Variants in AHCY observed in about 807,000 individuals in gnomAD.
The protein encoded by AHCY is S-adenosyl-L-homocysteine hydrolase.
Under a neutral mutation model 45.4 loss-of-function variants are expected in AHCY, and 24 were observed. The ratio of observed to expected loss-of-function variants is 0.53; its 90% CI spans 0.38 to 0.74. The LOEUF (loss-of-function observed/expected upper bound fraction) is 0.74, where lower values mean the gene tolerates loss of function less well. Ranked by LOEUF, AHCY falls within the 30% of genes least tolerant of loss-of-function variation. The pLI is 0.00. For synonymous variants in AHCY, 245 were observed against 235.1 expected (o/e 1.04, Z -0.39); for missense variants, 449 against 594.1 (o/e 0.76, Z 2.54).
chr20:34,308,539 GAC>G (rs906616899), intron 1 of AHCY, among the ~76,000 whole-genome samples: 3 of 152,048 alleles, frequency 2.0e-5, no homozygotes, highest in Non-Finnish European at 2.9e-5. Context: ...GACAGAGAGA[GAC>G]TCTGTCTAAA....
chr20:34,251,072 C>A, the AHCY span, among the ~76,000 whole-genome samples: 1 of 152,142 alleles, frequency 6.6e-6, no homozygotes. Context: ...TGGACCTGTA[C>A]AAACCCTCAT....
At chr20:34,284,758 G>A (rs2036115903) in intron 9 of AHCY, among the ~76,000 whole-genome samples, 1 of 152,186 alleles carries the variant, frequency 6.6e-6, no homozygotes, top group African/African-American at 2.4e-5. Context: ...GGCAGGTGGA[G>A]GTTGCAGTAA....
upstream of AHCY, among the ~76,000 whole-genome samples, chr20:34,305,438 A>G (rs1390143328): frequency 6.6e-6 from 1 of 152,142 alleles, no homozygotes; most frequent in African/African-American, 2.4e-5. Context: ...GCCGATGTCA[A>G]GCAGAGACTT....
At chr20:34,255,746 C>T in the AHCY span, among the ~76,000 whole-genome samples, 26 of 152,294 alleles carry the variant, frequency 1.7e-4, no homozygotes, top group Admixed American at 3.9e-4. Context: ...CCCTCTGTTA[C>T]GCCCGGACAG....
chr20:34,288,047 A>C (rs1229038421), intron 8 of AHCY, among the ~76,000 whole-genome samples: 1 of 152,218 alleles, frequency 6.6e-6, no homozygotes, highest in Non-Finnish European at 1.5e-5. Context: ...CTGCCACAGA[A>C]GCACGCCCTG....
At chr20:34,295,696 A>G in intron 1 of AHCY, 111 bp from the exon 2 acceptor site, 1 of 1,109,888 alleles carries the variant, frequency 9.0e-7, no homozygotes, top group Non-Finnish European at 1.3e-6. Flanking sequence ...ACTAGGGCTT[A>G]GCACTCTGTC....
chr20:34,306,104 AAAAAG>A (rs2036893880), upstream of AHCY, among the ~76,000 whole-genome samples: 1 of 151,902 alleles, frequency 6.6e-6, no homozygotes. Context: ...AAAAAGAAAA[AAAAAG>A]AAATGTGAAT....
chr20:34,253,092 C>T, the AHCY span, among the ~76,000 whole-genome samples: 75 of 152,018 alleles, frequency 4.9e-4, no homozygotes, highest in South Asian at 6.2e-4. Flanking sequence ...CAGTAACAAC[C>T]TGATCTCTCT....
chr20:34,286,053 C>T (rs910217002), intron 8 of AHCY: 5 of 268,746 alleles, frequency 1.9e-5, no homozygotes, highest in Admixed American at 5.0e-5. Context: ...TGCAGCGAGC[C>T]GAGATCGCAC....
the AHCY span, among the ~76,000 whole-genome samples, chr20:34,250,779 C>T: frequency 1.5e-4 from 23 of 152,132 alleles, no homozygotes; most frequent in African/African-American, 5.6e-4. Flanking sequence ...ACACCTCTGT[C>T]TCAGTAGGTA....
At chr20:34,233,639 C>A in the AHCY span, among the ~76,000 whole-genome samples, 6 of 152,116 alleles carry the variant, frequency 3.9e-5, no homozygotes, top group African/African-American at 9.7e-5. Flanking sequence ...AATGGTACCA[C>A]CAGTCTGAAG....
chr20:34,278,880 G>A (rs1197361649), downstream of AHCY, among the ~76,000 whole-genome samples: 1 of 151,932 alleles, frequency 6.6e-6, no homozygotes, highest in Non-Finnish European at 1.5e-5. Context: ...AAGCTGAGGT[G>A]GGCAGATCAC....
At chr20:34,240,856 A>T in the AHCY span, among the ~76,000 whole-genome samples, 89 of 152,302 alleles carry the variant, frequency 5.8e-4, 1 homozygote, top group African/African-American at 2.0e-3. Context: ...ATCAATTCCA[A>T]TTCTAAAGAA....
At chr20:34,298,617 G>A (rs913747834) in intron 1 of AHCY, among the ~76,000 whole-genome samples, 2 of 146,028 alleles carry the variant, frequency 1.4e-5, no homozygotes, top group East Asian at 2.2e-4. Context: ...GGAGGGGGGG[G>A]GGTGTCTCCC....
At chr20:34,282,433 A>T (rs894008696) in intron 9 of AHCY, among the ~76,000 whole-genome samples, 2 of 152,192 alleles carry the variant, frequency 1.3e-5, no homozygotes, top group Non-Finnish European at 2.9e-5. Flanking sequence ...AGCTAAGCTG[A>T]TCTCAAATTC....
At chr20:34,309,778 T>G (rs1462703821) in intron 1 of AHCY, among the ~76,000 whole-genome samples, 1 of 151,050 alleles carries the variant, frequency 6.6e-6, no homozygotes, top group Non-Finnish European at 1.5e-5. Context: ...CAAGACTCTG[T>G]CTCAAAATAA....
intron 3 of AHCY, chr20:34,293,687 G>A (rs892063946): frequency 3.1e-5 from 11 of 351,418 alleles, no homozygotes; most frequent in African/African-American, 8.6e-5. Context: ...CTCCATTCTC[G>A]TTAGACTTGG....
the AHCY span, among the ~76,000 whole-genome samples, chr20:34,235,928 AAGCG>A: frequency 9.5e-4 from 86 of 90,874 alleles, 18 homozygotes; most frequent in African/African-American, 0.011. Context: ...GGAAGGAAGG[AAGCG>A]GGAGGGAGGG....
rs1427886962 is a variant in AHCY at position 34,290,180 on chromosome 20, G to C, written c.972+152C>G. On this transcript the variant is annotated intron_variant, in intron 8 of 9. Transcript: ENST00000217426. This position sits in a 1 kb window ranked among gnomAD's most constrained non-coding sequence, Gnocchi z 4.5. ...GGGATGCCGGCTGCCCACAGGATAA[G>C]GTTGCCACGTCTGGCTGGCTCTGAT... The C allele has an allele frequency of 8.8e-6, 7 of 798,880 alleles. No individual in the cohort carries two copies. The highest frequency in any genetic ancestry group is 1.7e-5 in the African/African-American group (1 of 59,498). The allele number at this position is 798,880 out of a possible 1,614,324, so 49.5% of individuals were successfully genotyped here. A position where few individuals can be genotyped will look rare whatever the true frequency, so the allele number is the denominator to read the frequency against.
Sources: allele counts gnomAD v4.1 joint callset (sites outside exome capture counted in the v4.1 genomes callset), GRCh38; gene constraint gnomAD v4.1.1; non-coding constraint Gnocchi (gnomAD v3.1); transcripts MANE v1.5; gene names NCBI Gene and HGNC (gene_info 2026-07-23, HGNC 2026-07-21).